Variants in NEXMIF observed in about 807,000 individuals in gnomAD.
NEXMIF encodes the protein neurite extension and migration factor.
A neutral mutation model predicts 62.1 loss-of-function variants in NEXMIF; 8 were observed. That is an observed-to-expected ratio of 0.13 (90% confidence interval 0.08 to 0.23). The LOEUF (loss-of-function observed/expected upper bound fraction) is 0.23, where lower values mean the gene tolerates loss of function less well. Among genes scored for constraint, NEXMIF ranks in the 10% least tolerant of loss-of-function variants. The pLI is 1.00. For missense variants in NEXMIF, 976 were observed against 1,113.3 expected (o/e 0.88, Z 1.75); for synonymous variants, 404 against 416.6 (o/e 0.97, Z 0.37).
At chrX:74,879,283 T>C (rs141843251) in intron 1 of NEXMIF, among the ~76,000 whole-genome samples, 125 of 112,072 alleles carry the variant, frequency 1.1e-3, no homozygotes, top group African/African-American at 4.0e-3. Flanking sequence ...TATTGAATAA[T>C]AGCCAAACTT....
At chrX:74,816,555 T>A (rs1002210034) in intron 1 of NEXMIF, among the ~76,000 whole-genome samples, 2 of 112,234 alleles carry the variant, frequency 1.8e-5, no homozygotes, top group African/African-American at 3.2e-5. Flanking sequence ...AATGAAAAGA[T>A]AATGAATAAG....
intron 1 of NEXMIF, among the ~76,000 whole-genome samples, chrX:74,911,345 G>A (rs1041496598): frequency 1.3e-4 from 15 of 111,275 alleles, no homozygotes; most frequent in South Asian, 7.7e-4. Flanking sequence ...ACTTGAACCC[G>A]GGAAGTGGAG....
intron 1 of NEXMIF, among the ~76,000 whole-genome samples, chrX:74,887,562 G>C (rs2080700320): frequency 8.9e-6 from 1 of 111,969 alleles, no homozygotes; most frequent in Admixed American, 9.4e-5. Flanking sequence ...ATCATCACTG[G>C]CCATCAGAGA....
chrX:74,866,574 A>G (rs2080579975), intron 1 of NEXMIF, among the ~76,000 whole-genome samples: 1 of 112,248 alleles, frequency 8.9e-6, no homozygotes, highest in Non-Finnish European at 1.9e-5. Context: ...GGGTGGAATG[A>G]TATGGTTTGG....
At chrX:74,918,630 A>G (rs2080815700) in intron 1 of NEXMIF, among the ~76,000 whole-genome samples, 1 of 112,163 alleles carries the variant, frequency 8.9e-6, no homozygotes. Context: ...CTGCCACTCT[A>G]CCAGGCTCTG....
intron 1 of NEXMIF, among the ~76,000 whole-genome samples, chrX:74,876,518 A>G (rs1274304758): frequency 3.7e-5 from 4 of 108,638 alleles, no homozygotes; most frequent in Non-Finnish European, 7.6e-5. Context: ...CGCTTGGTGC[A>G]GAGCTGAGTT....
At chrX:74,909,658 G>T (rs2080781413) in intron 1 of NEXMIF, among the ~76,000 whole-genome samples, 2 of 112,033 alleles carry the variant, frequency 1.8e-5, no homozygotes, top group African/African-American at 6.5e-5. Context: ...CAAGACAATG[G>T]GGAAAATGTC....
intron 1 of NEXMIF, among the ~76,000 whole-genome samples, chrX:74,791,814 A>G (rs891518432): frequency 1.4e-4 from 15 of 110,499 alleles, no homozygotes; most frequent in African/African-American, 3.9e-4. Context: ...CTGTGGGATC[A>G]GTGGTGATAT....
In NEXMIF at chrX:74,734,636, A is replaced by T. The variant is rs759726040; in HGVS notation, c.*4769T>A. The T allele has an allele frequency of 1.4e-4, 16 of 111,992 alleles. No individual in the cohort carries two copies. The highest frequency in any genetic ancestry group is 5.2e-4 in the African/African-American group (16 of 30,825). The allele number at this position is 111,992 out of a possible 1,213,427, so 9.2% of individuals were successfully genotyped here. On this transcript the variant is annotated 3_prime_UTR_variant, in exon 4 of 4. Transcript: ENST00000055682. ...GTGTTTCTTCAGTGTCTTTAGTATCAATTTACCCAGATACTGATTTTGAAA... is the reference window on the plus strand; with the variant it reads ...GTGTTTCTTCAGTGTCTTTAGTATCTATTTACCCAGATACTGATTTTGAAA...
intron 1 of NEXMIF, among the ~76,000 whole-genome samples, chrX:74,794,964 C>A (rs1278427952): frequency 8.9e-6 from 1 of 111,947 alleles, no homozygotes; most frequent in Non-Finnish European, 1.9e-5. Context: ...GAGCTGTAGA[C>A]TGGAGCTGTT....
chrX:74,791,327 C>A (rs1447339762), intron 1 of NEXMIF, among the ~76,000 whole-genome samples: 1 of 111,452 alleles, frequency 9.0e-6, no homozygotes, highest in South Asian at 3.8e-4. Context: ...GGGATGAAGC[C>A]CACTTGATCA....
In NEXMIF at chrX:74,741,416, C is replaced by T; in HGVS notation, c.3141G>A (p.Lys1047=). The T allele has an allele frequency of 8.3e-7, 1 of 1,211,573 alleles. No individual in the cohort carries two copies. The highest frequency in any genetic ancestry group is 1.1e-6 in the Non-Finnish European group (1 of 895,451). The change falls in exon 3 of 4, where the codon AAG becomes AAA. Residue 1047 remains lysine (K), a synonymous_variant. Transcript: ENST00000055682. ...ATATATCCAGGAGGTCAGTGGACTC[C>T]TTTAGTGGTGCTATCTCATCAATGC... is the stretch of plus-strand genomic sequence containing the variant. ...QQSIDEIAPL[K]ESTDLLDISN...
At position 74,874,397 on chromosome X, in the gene NEXMIF, C is replaced by G. The variant is rs1158670353; in HGVS notation, c.-48+50486G>C. Among the ~76,000 whole-genome samples the G allele has an allele frequency of 4.6e-5, 5 of 108,790 alleles. No homozygotes were observed. In the South Asian group the frequency reaches 2.1e-3, roughly 45 times the overall value. The allele number at this position is 108,790 out of a possible 115,157, so 94.5% of individuals were successfully genotyped here. On this transcript the variant is annotated intron_variant, in intron 1 of 3. Coordinates refer to ENST00000055682, the MANE Select transcript of NEXMIF (RefSeq NM_001008537.3). ...ACCATGCTGTTTTGGTTACTGTAGC[C>G]TTGTAGTATAGTTTGAAGTCAGGTA...
chrX:74,908,294 G>A (rs889830341), intron 1 of NEXMIF, among the ~76,000 whole-genome samples: 5 of 112,177 alleles, frequency 4.5e-5, no homozygotes, highest in African/African-American at 1.3e-4. Flanking sequence ...GTTGTCTGAG[G>A]CAGGCCTGTG....
chrX:74,905,198 C>CA (rs1437705476), intron 1 of NEXMIF, among the ~76,000 whole-genome samples: 24 of 110,952 alleles, frequency 2.2e-4, no homozygotes, highest in African/African-American at 7.9e-4. Flanking sequence ...CAAAACAAAA[C>CA]AAAAAAACTT....
At chrX:74,883,525 C>T (rs1038563649) in intron 1 of NEXMIF, among the ~76,000 whole-genome samples, 3 of 111,656 alleles carry the variant, frequency 2.7e-5, no homozygotes, top group African/African-American at 9.8e-5. Flanking sequence ...CCAATGCAAT[C>T]AACTGAAAGA....
At chrX:74,796,144 T>C (rs1201443609) in intron 1 of NEXMIF, among the ~76,000 whole-genome samples, 2 of 75,160 alleles carry the variant, frequency 2.7e-5, no homozygotes, top group South Asian at 5.5e-4. Context: ...ATATATATAT[T>C]ATATATATAC....
At chrX:74,834,320 TATG>T (rs927087627) in intron 1 of NEXMIF, among the ~76,000 whole-genome samples, 3 of 111,318 alleles carry the variant, frequency 2.7e-5, no homozygotes, top group Admixed American at 1.9e-4. Context: ...TCTTTCTACT[TATG>T]ATAAGGGTAG....
In NEXMIF at chrX:74,794,700, C is replaced by T. The variant is rs192795775; in HGVS notation, c.-47-49003G>A. The stretch of plus-strand genomic sequence containing the variant: ...GTGGTGCGCCTTTTTTTAAGCCCGT[C>T]GGAAAAGCGCCATATTCGGGTGGGA... On this transcript the variant is annotated intron_variant, in intron 1 of 3. Coordinates refer to ENST00000055682, the MANE Select transcript of NEXMIF (RefSeq NM_001008537.3). Among the ~76,000 whole-genome samples, 413 of 111,757 alleles carry T rather than the reference C, an allele frequency of 3.7e-3. 1 individual carries two copies. Among genetic ancestry groups the T allele is most frequent in the African/African-American group, 0.011 (326 of 30,795 alleles).
Sources: allele counts gnomAD v4.1 joint callset (sites outside exome capture counted in the v4.1 genomes callset), GRCh38; gene constraint gnomAD v4.1.1; transcripts MANE v1.5; gene names NCBI Gene and HGNC (gene_info 2026-07-23, HGNC 2026-07-21).